Variants in DCLK2 observed in about 807,000 individuals in gnomAD.
DCLK2 encodes serine/threonine-protein kinase DCLK2.
In DCLK2, 31 loss-of-function variants were observed where a neutral mutation model predicts 78.4. The ratio of observed to expected loss-of-function variants is 0.40; its 90% CI spans 0.30 to 0.53. The LOEUF (loss-of-function observed/expected upper bound fraction) is 0.53. Ranked by LOEUF, DCLK2 falls within the 20% of genes least tolerant of loss-of-function variation. The pLI, the probability that DCLK2 is intolerant of heterozygous loss-of-function variation, is 0.61. For synonymous variants in DCLK2, 407 were observed against 374.9 expected (o/e 1.09, Z -0.99); for missense variants, 872 against 973.7 (o/e 0.90, Z 1.39).
intron 3 of DCLK2, 89 bp downstream of exon 3, chr4:150,193,329 T>A (rs1738612466): frequency 5.2e-6 from 4 of 770,706 alleles, no homozygotes; most frequent in Non-Finnish European, 6.4e-6. Flanking sequence ...TGGTGCATGT[T>A]AAGAAGTCTG....
chr4:150,238,843 G>T (rs757554968), intron 10 of DCLK2, among the ~76,000 whole-genome samples: 1 of 152,114 alleles, frequency 6.6e-6, no homozygotes, highest in South Asian at 2.1e-4. Flanking sequence ...GGAAGTTCAG[G>T]CTGCCTGATC....
chr4:150,230,526 A>G (rs1741960619), intron 8 of DCLK2, among the ~76,000 whole-genome samples: 1 of 152,250 alleles, frequency 6.6e-6, no homozygotes, highest in Non-Finnish European at 1.5e-5. Context: ...AACCTATTTA[A>G]TGACAGTAGC....
intron 12 of DCLK2, among the ~76,000 whole-genome samples, chr4:150,242,763 T>G (rs1743020909): frequency 6.6e-6 from 1 of 152,198 alleles, no homozygotes; most frequent in African/African-American, 2.4e-5. Flanking sequence ...ACACTTGATG[T>G]GCCGTTAAGC....
intron 1 of DCLK2, among the ~76,000 whole-genome samples, chr4:150,079,780 C>T (rs142365428): frequency 6.6e-6 from 1 of 152,208 alleles, no homozygotes; most frequent in Non-Finnish European, 1.5e-5. Flanking sequence ...CCATGGGGAG[C>T]TGGGTAATCC....
At chr4:150,172,449 A>G (rs1286695374) in intron 2 of DCLK2, among the ~76,000 whole-genome samples, 1 of 150,176 alleles carries the variant, frequency 6.7e-6, no homozygotes, top group African/African-American at 2.4e-5. Context: ...GAAAAATACA[A>G]AAAAAAAATT....
intron 2 of DCLK2, among the ~76,000 whole-genome samples, chr4:150,136,796 G>GTATA (rs1733717164): frequency 6.6e-6 from 1 of 152,064 alleles, no homozygotes; most frequent in Non-Finnish European, 1.5e-5. Flanking sequence ...TACCCTAGCA[G>GTATA]CAGAGTTACA....
chr4:150,131,692 A>AT (rs1374899664), intron 2 of DCLK2, among the ~76,000 whole-genome samples: 1 of 152,124 alleles, frequency 6.6e-6, no homozygotes, highest in African/African-American at 2.4e-5. Context: ...AGCTCTTTTT[A>AT]TTAGAGGTTG....
intron 2 of DCLK2, among the ~76,000 whole-genome samples, chr4:150,135,668 A>G (rs935432429): frequency 6.6e-6 from 1 of 152,236 alleles, no homozygotes; most frequent in East Asian, 1.9e-4. Context: ...GGATTTGCTC[A>G]TCTGTCTCAC....
intron 12 of DCLK2, among the ~76,000 whole-genome samples, chr4:150,242,337 T>A (rs1386232058): frequency 6.6e-6 from 1 of 152,200 alleles, no homozygotes; most frequent in Non-Finnish European, 1.5e-5. Flanking sequence ...GTGGTATTAG[T>A]GGAGTTTTTG....
chr4:150,183,783 G>C (rs1175646878), intron 2 of DCLK2, among the ~76,000 whole-genome samples: 1 of 149,764 alleles, frequency 6.7e-6, no homozygotes, highest in Non-Finnish European at 1.5e-5. Flanking sequence ...TCCCAGGCTA[G>C]AGTGCAGTGG....
chr4:150,239,613 T>C, intron 10 of DCLK2, 129 bp from the exon 11 acceptor site: 1 of 1,254,892 alleles, frequency 8.0e-7, no homozygotes, highest in Non-Finnish European at 1.1e-6. Flanking sequence ...AAAAAAAAAA[T>C]CACAAGGAGA....
intron 2 of DCLK2, among the ~76,000 whole-genome samples, chr4:150,131,355 C>T (rs969431407): frequency 1.3e-5 from 2 of 152,110 alleles, no homozygotes; most frequent in Non-Finnish European, 2.9e-5. Flanking sequence ...AATTACATGT[C>T]ACAAATTGCT....
At chr4:150,168,223 G>T (rs1241515063) in intron 2 of DCLK2, among the ~76,000 whole-genome samples, 1 of 151,976 alleles carries the variant, frequency 6.6e-6, no homozygotes. Flanking sequence ...GGCGCCTGTA[G>T]TCCCAGCTAC....
chr4:150,185,300 C>A (rs1048775673), intron 2 of DCLK2, among the ~76,000 whole-genome samples: 1 of 152,194 alleles, frequency 6.6e-6, no homozygotes, highest in Non-Finnish European at 1.5e-5. Context: ...GGGGACCACC[C>A]CCATGATCTA....
intron 2 of DCLK2, among the ~76,000 whole-genome samples, chr4:150,172,523 C>T (rs1736610726): frequency 6.8e-6 from 1 of 146,264 alleles, no homozygotes. Flanking sequence ...AGGAGAATGG[C>T]GTGAACCCGG....
chr4:150,083,871 A>G (rs1729468584), intron 1 of DCLK2, among the ~76,000 whole-genome samples: 2 of 152,232 alleles, frequency 1.3e-5, no homozygotes, highest in South Asian at 4.1e-4. Context: ...AGTTGGTCTC[A>G]AATGGTTAGT....
chr4:150,198,981 C>T (rs762359975), intron 4 of DCLK2: 1 of 1,380,048 alleles, frequency 7.2e-7, no homozygotes, highest in Non-Finnish European at 9.7e-7. Flanking sequence ...TGCTGAATAA[C>T]CACTCTCCTT....
intron 2 of DCLK2, among the ~76,000 whole-genome samples, chr4:150,135,165 T>TACACACAC (rs57866267): frequency 0.031 from 4,489 of 146,860 alleles, 79 homozygotes; most frequent in African/African-American, 0.041. Context: ...CATACACGTG[T>TACACACAC]ACACACACAC....
At chr4:150,128,795 A>G (rs939744858) in intron 2 of DCLK2, among the ~76,000 whole-genome samples, 3 of 152,146 alleles carry the variant, frequency 2.0e-5, no homozygotes, top group South Asian at 4.1e-4. Context: ...TCTTAAGTCC[A>G]TGGACAGAGA....
Sources: gnomAD v4.1 joint callset for allele counts (sites outside exome capture counted in the v4.1 genomes callset) on GRCh38, gnomAD v4.1.1 for gene constraint, MANE v1.5 for transcripts, NCBI Gene and HGNC (gene_info 2026-07-23, HGNC 2026-07-21) for gene names.